Variants in POLR2L observed in about 807,000 individuals in gnomAD.
POLR2L encodes RNA polymerase II, I and III subunit L, also known as DNA-directed RNA polymerases I, II, and III subunit RPABC5.
POLR2L carries 7 observed loss-of-function variants against 6.8 expected under a neutral mutation model. The observed-to-expected ratio is 1.03, with a 90% CI of 0.59 to 1.94. The LOEUF (loss-of-function observed/expected upper bound fraction) is 1.94, where lower values mean the gene tolerates loss of function less well. POLR2L is among the 30% of genes most tolerant of loss of function. The pLI, the probability that POLR2L is intolerant of heterozygous loss-of-function variation, is 0.00. For missense variants in POLR2L, 93 were observed against 86.7 expected, an observed-to-expected ratio of 1.07 and a Z score of -0.29; for synonymous variants, 59 against 39.8, an observed-to-expected ratio of 1.48 and a Z score of -1.82.
chr11:840,234 C>T lies in POLR2L; in HGVS notation c.*138G>A. 1 of 646,442 alleles carries T rather than the reference C, an allele frequency of 1.5e-6. No individual in the cohort carries two copies. Among genetic ancestry groups the T allele is most frequent in the South Asian group, 1.8e-5 (1 of 56,108 alleles). The allele number at this position is 646,442 out of a possible 1,614,324, so 40.0% of individuals were successfully genotyped here. ...CTGAAAGACCTTTACTGGATGGTTC[C>T]TTCCAGAGTGGGGTATCGGATACAC... On this transcript the variant is annotated 3_prime_UTR_variant, in exon 2 of 2. Coordinates refer to ENST00000322028, the MANE Select transcript of POLR2L (RefSeq NM_021128.5).
intron 1 of POLR2L, among the ~76,000 whole-genome samples, chr11:842,072 A>T (rs1012663089): frequency 6.8e-6 from 1 of 148,052 alleles, no homozygotes; most frequent in East Asian, 1.9e-4. Flanking sequence ...TTTGCAGGAC[A>T]TGGGGTGGGC....
At chr11:842,262 TG>T in intron 1 of POLR2L, 151 bp downstream of exon 1, 1 of 479,704 alleles carries the variant, frequency 2.1e-6, no homozygotes. Flanking sequence ...AGAGCGGGGC[TG>T]GAGAAGCCGG....
chr11:841,470 C>T (rs927184127), intron 1 of POLR2L, among the ~76,000 whole-genome samples: 12 of 152,176 alleles, frequency 7.9e-5, no homozygotes, highest in African/African-American at 2.4e-5. Flanking sequence ...GTTTCACTCT[C>T]TCTTCCAGGC....
In POLR2L at chr11:840,304, C is replaced by T. The variant is rs1846926075; in HGVS notation, c.*68G>A. 9.9e-7 allele frequency: 1 copy of T among 1,009,000 alleles called. No individual in the cohort carries two copies. The highest frequency in any genetic ancestry group is 1.4e-5 in the South Asian group (1 of 69,908). 62.5% of individuals were successfully genotyped at this position (1,009,000 alleles called of 1,614,324 possible). A position where few individuals can be genotyped will look rare whatever the true frequency, so the allele number is the denominator to read the frequency against. On this transcript the variant is annotated 3_prime_UTR_variant, in exon 2 of 2. Coordinates refer to ENST00000322028, the MANE Select transcript of POLR2L (RefSeq NM_021128.5). ...TACGCCAGCTCCCGGATGCCTCAGC[C>T]TCGTGAATTCGGGGCAGGACGCTCA...
At chr11:841,812 T>A (rs962460737) in intron 1 of POLR2L, among the ~76,000 whole-genome samples, 7 of 151,666 alleles carry the variant, frequency 4.6e-5, no homozygotes, top group Non-Finnish European at 7.4e-5. Flanking sequence ...GACAGGAGAA[T>A]TGCTGGAGCC....
chr11:842,071 C>T (rs1590214005), intron 1 of POLR2L, among the ~76,000 whole-genome samples: 1 of 148,956 alleles, frequency 6.7e-6, no homozygotes, highest in South Asian at 2.2e-4. Flanking sequence ...GTTTGCAGGA[C>T]ATGGGGTGGG....
Position 840,137 on chromosome 11 carries a change from G to T in POLR2L, c.*235C>A. ...TTCATGGCCCAGTCTGCTTCACTGG[G>T]CTGCCACAGTGTGAAAGCTGGGCCT... is the stretch of plus-strand genomic sequence containing the variant. On this transcript the variant is annotated 3_prime_UTR_variant, in exon 2 of 2. Transcript: ENST00000322028. 1 of 471,038 alleles carries T rather than the reference G, an allele frequency of 2.1e-6. No homozygotes were observed. The highest frequency in any genetic ancestry group is 2.9e-5 in the South Asian group (1 of 34,548). 29.2% of individuals were successfully genotyped at this position (471,038 alleles called of 1,614,324 possible).
chr11:840,585 C>A lies in POLR2L; in HGVS notation c.96-105G>T, dbSNP rs1277452449. ...TCACTGCCTGCTGGCCTCACCCCCCCCGCCACCGGCAAGGCGAACAGATTC... is the reference window on the plus strand; with the variant it reads ...TCACTGCCTGCTGGCCTCACCCCCCACGCCACCGGCAAGGCGAACAGATTC... On this transcript the variant is annotated intron_variant, in intron 1 of 1. Coordinates refer to ENST00000322028, the MANE Select transcript of POLR2L (RefSeq NM_021128.5). 4.9e-5 allele frequency: 35 copies of A among 721,094 alleles called. No homozygotes were observed. In the South Asian group the frequency reaches 5.0e-4, roughly 10 times the overall value. 44.7% of individuals were successfully genotyped at this position (721,094 alleles called of 1,614,324 possible). A position where few individuals can be genotyped will look rare whatever the true frequency, so the allele number is the denominator to read the frequency against.
rs369062780 is a variant in POLR2L at position 840,451 on chromosome 11, C to T, written c.125G>A (p.Arg42His). 7.4e-6 allele frequency: 12 copies of T among 1,611,534 alleles called. No homozygotes were observed. The highest frequency in any genetic ancestry group is 5.0e-5 in the Admixed American group (3 of 59,978). The change falls in exon 2 of 2, where the codon CGC becomes CAC. Residue 42 changes from arginine (R) to histidine (H), a missense_variant. Physicochemically the swap from Arg to His is conservative, Grantham distance 29. Coordinates refer to ENST00000322028, the MANE Select transcript of POLR2L (RefSeq NM_021128.5). ...CAGCAGCATCCGGCGGCAGCAGTAG[C>T]GCTTCAGGCCCAGGGCATCCAGCGC... ...GDALDALGLK[R>H]YCCRRMLLAH...
chr11:840,436 C>T lies in POLR2L; in HGVS notation c.140G>A (p.Arg47Gln), dbSNP rs765962780. The change falls in exon 2 of 2, where the codon CGG becomes CAG. Residue 47 changes from arginine to glutamine, a missense_variant. By Grantham distance (43) the Arg-to-Gln change is conservative. Transcript: ENST00000322028. The part of the protein sequence containing the change: ...ALGLKRYCCR[R>Q]MLLAHVDLIE... ...CAGGTCCACGTGGGCCAGCAGCATC[C>T]GGCGGCAGCAGTAGCGCTTCAGGCC... 1.8e-5 allele frequency: 29 copies of T among 1,612,206 alleles called. No individual in the cohort carries two copies. Among genetic ancestry groups the T allele is most frequent in the Non-Finnish European group, 2.3e-5 (27 of 1,179,746 alleles).
intron 1 of POLR2L, 39 bp from the exon 2 acceptor site, chr11:840,519 T>G: frequency 3.5e-6 from 5 of 1,425,968 alleles, no homozygotes; most frequent in Non-Finnish European, 4.9e-6. Context: ...CTGAGTTCTC[T>G]ACGGTCTGCA....
intron 1 of POLR2L, among the ~76,000 whole-genome samples, chr11:840,694 G>A (rs1434926992): frequency 6.6e-6 from 1 of 152,240 alleles, no homozygotes; most frequent in Non-Finnish European, 1.5e-5. Context: ...GGAGCGTGAG[G>A]AGCCTCCTCT....
intron 1 of POLR2L, among the ~76,000 whole-genome samples, chr11:841,612 G>A (rs958091009): frequency 6.6e-6 from 1 of 152,166 alleles, no homozygotes; most frequent in Admixed American, 6.5e-5. Context: ...GAATTAAAAA[G>A]ATAGAGCCAG....
In POLR2L at chr11:842,347, A is replaced by T. The variant is rs1442554268; in HGVS notation, c.95+67T>A. On this transcript the variant is annotated intron_variant, in intron 1 of 1. Coordinates refer to ENST00000322028, the MANE Select transcript of POLR2L (RefSeq NM_021128.5). ...CGCCCCGGCGCGCACCCCAGGGCGG[A>T]CTCAGCCCCCAGCCCCGGCCCGCGC... 4 of 1,192,218 alleles carry T rather than the reference A, an allele frequency of 3.4e-6. No homozygotes were observed. The East Asian group carries it at 1.3e-4, about 38-fold the overall frequency. The allele number at this position is 1,192,218 out of a possible 1,614,324, so 73.9% of individuals were successfully genotyped here.
At position 840,357 on chromosome 11, in the gene POLR2L, T is replaced by A; in HGVS notation, c.*15A>T. ...GCCCATGGTCAGCACAGCGGGTGGG[T>A]GGGTTCCAGCGTGGTCACTTCTCCA... On this transcript the variant is annotated 3_prime_UTR_variant, in exon 2 of 2. Coordinates refer to ENST00000322028, the MANE Select transcript of POLR2L (RefSeq NM_021128.5). The A allele has an allele frequency of 2.0e-6, 3 of 1,521,946 alleles. No individual in the cohort carries two copies. Among genetic ancestry groups the A allele is most frequent in the South Asian group, 1.1e-5 (1 of 87,412 alleles). The allele number at this position is 1,521,946 out of a possible 1,614,324, so 94.3% of individuals were successfully genotyped here.
chr11:840,314 C>T lies in POLR2L; in HGVS notation c.*58G>A, dbSNP rs559943956. ...CCCGGATGCCTCAGCCTCGTGAATTCGGGGCAGGACGCTCAGGGCCCATGG... is the reference window on the plus strand; with the variant it reads ...CCCGGATGCCTCAGCCTCGTGAATTTGGGGCAGGACGCTCAGGGCCCATGG... On this transcript the variant is annotated 3_prime_UTR_variant, in exon 2 of 2. Transcript: ENST00000322028. 91 of 1,122,002 alleles carry T rather than the reference C, an allele frequency of 8.1e-5. 1 individual carries two copies. The Admixed American group carries it at 8.3e-4, about 10-fold the overall frequency. 69.5% of individuals were successfully genotyped at this position (1,122,002 alleles called of 1,614,324 possible).
Position 842,526 on chromosome 11 carries a change from G to C in POLR2L, c.-18C>G, listed in dbSNP as rs1847006121. ...ATGATCATGGCGGCGGCGCGTCCCA[G>C]ACTGCCCGGCCCGGCCCGGCCGCAC... On this transcript the variant is annotated 5_prime_UTR_variant, in exon 1 of 2. Coordinates refer to ENST00000322028, the MANE Select transcript of POLR2L (RefSeq NM_021128.5). 3 of 1,562,398 alleles carry C rather than the reference G, an allele frequency of 1.9e-6. No homozygotes were observed. The highest frequency in any genetic ancestry group is 8.6e-7 in the Non-Finnish European group (1 of 1,156,364).
rs910439146 is a variant in POLR2L, at chr11:840,243, TG to T, written c.*128del. 17 of 647,254 alleles carry T rather than the reference TG, an allele frequency of 2.6e-5. No homozygotes were observed. The highest frequency in any genetic ancestry group is 2.0e-4 in the African/African-American group (11 of 54,152). The allele number at this position is 647,254 out of a possible 1,614,324, so 40.1% of individuals were successfully genotyped here. A position where few individuals can be genotyped will look rare whatever the true frequency, so the allele number is the denominator to read the frequency against. On this transcript the variant is annotated 3_prime_UTR_variant, in exon 2 of 2. Transcript: ENST00000322028. The stretch of plus-strand genomic sequence containing the variant: ...CTTTACTGGATGGTTCCTTCCAGAG[TG>T]GGGTATCGGATACACACACACTGCG...
rs938270114 is a variant in POLR2L, at chr11:840,145, A to G, written c.*227T>C. ...CCAGTCTGCTTCACTGGGCTGCCACAGTGTGAAAGCTGGGCCTAGACCTGG... is the reference window on the plus strand; with the variant it reads ...CCAGTCTGCTTCACTGGGCTGCCACGGTGTGAAAGCTGGGCCTAGACCTGG... On this transcript the variant is annotated 3_prime_UTR_variant, in exon 2 of 2. Transcript: ENST00000322028. 1.9e-5 allele frequency: 9 copies of G among 477,098 alleles called. No homozygotes were observed. The highest frequency in any genetic ancestry group is 3.0e-5 in the Non-Finnish European group (8 of 268,184). The allele number at this position is 477,098 out of a possible 1,614,324, so 29.6% of individuals were successfully genotyped here. A position where few individuals can be genotyped will look rare whatever the true frequency, so the allele number is the denominator to read the frequency against.
Sources: gnomAD v4.1 joint callset for allele counts (sites outside exome capture counted in the v4.1 genomes callset) on GRCh38, gnomAD v4.1.1 for gene constraint, MANE v1.5 for transcripts, NCBI Gene and HGNC (gene_info 2026-07-23, HGNC 2026-07-21) for gene names.